Variants in SPON1 observed in about 807,000 individuals in gnomAD.
The protein encoded by SPON1 is spondin-1.
A neutral mutation model predicts 111.7 loss-of-function variants in SPON1; 52 were observed. The observed-to-expected ratio is 0.47, with a 90% CI of 0.37 to 0.59. SPON1 has a LOEUF of 0.59. Ranked by LOEUF, SPON1 falls within the 20% of genes least tolerant of loss-of-function variation. The pLI is 0.00. For missense variants in SPON1, 957 were observed against 1,068.5 expected (o/e 0.90, Z 1.46); for synonymous variants, 410 against 395.8 (o/e 1.04, Z -0.43).
intron 6 of SPON1, among the ~76,000 whole-genome samples, chr11:14,202,533 C>T (rs2133897485): frequency 6.6e-6 from 1 of 152,270 alleles, no homozygotes; most frequent in East Asian, 1.9e-4. Context: ...TGCCTTCTGG[C>T]CCAGATTCAG....
intron 5 of SPON1, among the ~76,000 whole-genome samples, chr11:14,133,658 C>G (rs782302629): frequency 3.3e-5 from 5 of 152,170 alleles, no homozygotes; most frequent in Non-Finnish European, 7.3e-5. Context: ...CATCACGAAC[C>G]TAAGGCCATT....
intron 14 of SPON1, among the ~76,000 whole-genome samples, chr11:14,262,094 G>C (rs1849190832): frequency 6.6e-6 from 1 of 152,172 alleles, no homozygotes; most frequent in South Asian, 2.1e-4. Context: ...GAATTTACTG[G>C]ATCTCGATAA....
At chr11:14,060,408 A>G (rs1449918004) in intron 3 of SPON1, among the ~76,000 whole-genome samples, 1 of 152,194 alleles carries the variant, frequency 6.6e-6, no homozygotes, top group Non-Finnish European at 1.5e-5. Flanking sequence ...TGGGTTGTGG[A>G]GTCAAAGTTG....
At chr11:14,096,596 G>C (rs1197253855) in intron 5 of SPON1, among the ~76,000 whole-genome samples, 1 of 152,132 alleles carries the variant, frequency 6.6e-6, no homozygotes, top group Non-Finnish European at 1.5e-5. Context: ...CAGGTGGGTG[G>C]TCCTCTTCCA....
intron 6 of SPON1, among the ~76,000 whole-genome samples, chr11:14,172,289 GT>G (rs1554932578): frequency 6.6e-6 from 1 of 151,870 alleles, no homozygotes; most frequent in Non-Finnish European, 1.5e-5. Flanking sequence ...TTTAAAGTCT[GT>G]TTTATCCGAT....
intron 6 of SPON1, among the ~76,000 whole-genome samples, chr11:14,161,840 A>C (rs1206158518): frequency 6.6e-6 from 1 of 152,122 alleles, no homozygotes; most frequent in Admixed American, 6.6e-5. Context: ...GATGGGGACT[A>C]TCTGTATATT....
In SPON1 at chr11:14,160,535, T is replaced by TTG. The variant is rs1554930897; in HGVS notation, c.825+24968_825+24969insGT. Among the ~76,000 whole-genome samples, 2 of 11,988 alleles carry TTG rather than the reference T, an allele frequency of 1.7e-4. 1 individual carries two copies. Among genetic ancestry groups the TTG allele is most frequent in the Non-Finnish European group, 2.4e-4 (2 of 8,444 alleles). 7.9% of individuals were successfully genotyped at this position (11,988 alleles called of 152,430 possible). On this transcript the variant is annotated intron_variant, in intron 6 of 15. Coordinates refer to ENST00000576479, the MANE Select transcript of SPON1 (RefSeq NM_006108.4). ...TATATATATATTTACATATATATAT[T>TTG]TATATATATATTTATATATATATTT...
Position 13,982,939 on chromosome 11 carries a change from G to A in SPON1, c.331G>A (p.Ala111Thr), listed in dbSNP as rs1554909881. ...NREGDKEEDH[A>T]GTFQIIDEEE... ...AGAGGGTGATAAGGAAGAAGACCAT[G>A]CTGGGACCTTCCAGGTAAGACCCTG... is the stretch of plus-strand genomic sequence containing the variant. Residue 111 changes from alanine to threonine, a missense_variant, in exon 2 of 16, where the codon GCT (alanine) becomes ACT (threonine). Around this residue, in one of 5 missense-constraint regions of SPON1, gnomAD observed 262 missense variants for 253.9 expected, o/e 1.03. Transcript: ENST00000576479. 1.3e-6 allele frequency: 2 copies of A among 1,553,406 alleles called. No individual in the cohort carries two copies. The highest frequency in any genetic ancestry group is 1.7e-6 in the Non-Finnish European group (2 of 1,147,026).
chr11:14,265,816 GT>G lies in SPON1; in HGVS notation c.*130del. ...TTTTTGCAGTGTGGTTCGCCCAGTA[GT>G]CTTGTGGATGCCAGAGACATCCTTT... On this transcript the variant is annotated 3_prime_UTR_variant, in exon 16 of 16. Coordinates refer to ENST00000576479, the MANE Select transcript of SPON1 (RefSeq NM_006108.4). 1 of 1,087,704 alleles carries G rather than the reference GT, an allele frequency of 9.2e-7. No homozygotes were observed. The highest frequency in any genetic ancestry group is 1.6e-5 in the South Asian group (1 of 61,974). The allele number at this position is 1,087,704 out of a possible 1,614,324, so 67.4% of individuals were successfully genotyped here.
At chr11:14,213,147 C>G (rs559815471) in intron 6 of SPON1, among the ~76,000 whole-genome samples, 1 of 152,272 alleles carries the variant, frequency 6.6e-6, no homozygotes, top group African/African-American at 2.4e-5. Context: ...CTGAACCCAG[C>G]TTTTCAATGG....
At chr11:14,117,216 C>T (rs1436138907) in intron 5 of SPON1, among the ~76,000 whole-genome samples, 13 of 152,224 alleles carry the variant, frequency 8.5e-5, no homozygotes, top group South Asian at 6.2e-4. Flanking sequence ...ATTACCTCTA[C>T]GATGTTAAAT....
At chr11:14,060,106 C>A (rs1848780214) in intron 3 of SPON1, among the ~76,000 whole-genome samples, 1 of 152,194 alleles carries the variant, frequency 6.6e-6, no homozygotes, top group Admixed American at 6.5e-5. Flanking sequence ...TCTACCCCCC[C>A]AACTACTTTT....
intron 5 of SPON1, among the ~76,000 whole-genome samples, chr11:14,112,283 A>T (rs1849232242): frequency 6.6e-6 from 1 of 152,230 alleles, no homozygotes; most frequent in Non-Finnish European, 1.5e-5. Flanking sequence ...GTCCAGACCT[A>T]GGTTCTAAAC....
At chr11:14,029,232 G>A (rs1848540967) in intron 2 of SPON1, among the ~76,000 whole-genome samples, 1 of 152,030 alleles carries the variant, frequency 6.6e-6, no homozygotes, top group Non-Finnish European at 1.5e-5. Flanking sequence ...GGCCAGCTGG[G>A]CTGGTACCCT....
chr11:14,209,668 G>A (rs185382964), intron 6 of SPON1, among the ~76,000 whole-genome samples: 2 of 152,246 alleles, frequency 1.3e-5, no homozygotes, highest in African/African-American at 4.8e-5. Context: ...TCATTGATGG[G>A]CATTTGGGTT....
chr11:13,976,273 C>T (rs555215116), intron 1 of SPON1, among the ~76,000 whole-genome samples: 1 of 152,168 alleles, frequency 6.6e-6, no homozygotes, highest in African/African-American at 2.4e-5. Context: ...CTCTTAATAG[C>T]CTCTCAGGGG....
At chr11:13,966,038 C>G (rs1015776654) in intron 1 of SPON1, among the ~76,000 whole-genome samples, 1 of 152,082 alleles carries the variant, frequency 6.6e-6, no homozygotes, top group African/African-American at 2.4e-5. Flanking sequence ...TACTCTAGAC[C>G]GGAATAAAAT....
chr11:14,151,782 A>AG (rs1272359240), intron 6 of SPON1, among the ~76,000 whole-genome samples: 1 of 152,196 alleles, frequency 6.6e-6, no homozygotes, highest in Non-Finnish European at 1.5e-5. Flanking sequence ...TACAAATCAA[A>AG]GATAAAACAG....
chr11:13,997,134 T>C lies in SPON1; in HGVS notation c.345+14181T>C, dbSNP rs187656931. Among the ~76,000 whole-genome samples the C allele has an allele frequency of 4.9e-3, 741 of 152,318 alleles. 5 individuals are homozygous for C. Among genetic ancestry groups the C allele is most frequent in the African/African-American group, 0.016 (671 of 41,564 alleles). On this transcript the variant is annotated intron_variant, in intron 2 of 15. Coordinates refer to ENST00000576479, the MANE Select transcript of SPON1 (RefSeq NM_006108.4). ...ATACTCACATGTATGTATGCACACATGTATATGTATATATGAGCTCTATTT... is the reference window on the plus strand; with the variant it reads ...ATACTCACATGTATGTATGCACACACGTATATGTATATATGAGCTCTATTT...
Sources: gnomAD v4.1 joint callset for allele counts (sites outside exome capture counted in the v4.1 genomes callset) on GRCh38, gnomAD v4.1.1 for gene constraint, gnomAD v4.1.1 regional missense constraint, MANE v1.5 for transcripts, NCBI Gene and HGNC (gene_info 2026-07-23, HGNC 2026-07-21) for gene names.